HOMER1: variants seen among roughly 807,000 people sequenced by gnomAD.
HOMER1 encodes homer protein homolog 1.
In HOMER1, 3 loss-of-function variants were observed where a neutral mutation model predicts 48.9. That is an observed-to-expected ratio of 0.06 (90% confidence interval 0.03 to 0.16). HOMER1 has a LOEUF of 0.16. Ranked by LOEUF, HOMER1 falls within the 10% of genes least tolerant of loss-of-function variation. HOMER1 has a pLI of 1.00. For missense variants in HOMER1, 247 were observed against 411.4 expected (o/e 0.60, Z 3.46); for synonymous variants, 134 against 146.4 (o/e 0.92, Z 0.61).
chr5:79,437,453 G>A (rs577047949), intron 5 of HOMER1, among the ~76,000 whole-genome samples: 1 of 152,060 alleles, frequency 6.6e-6, no homozygotes, highest in African/African-American at 2.4e-5. Flanking sequence ...ACTATGTAAT[G>A]TAAACATATT....
chr5:79,466,627 A>T (rs1401528456), intron 1 of HOMER1, among the ~76,000 whole-genome samples: 1 of 152,086 alleles, frequency 6.6e-6, no homozygotes, highest in South Asian at 2.1e-4. Flanking sequence ...AAATTCTGAG[A>T]ACTGACAGTA....
chr5:79,479,248 T>C (rs567514003), intron 1 of HOMER1, among the ~76,000 whole-genome samples: 66 of 152,252 alleles, frequency 4.3e-4, no homozygotes, highest in African/African-American at 1.5e-3. Context: ...GTCCTTCAAA[T>C]GAATGTAGAA....
intron 1 of HOMER1, 113 bp from the exon 2 acceptor site, chr5:79,457,131 C>A: frequency 1.0e-6 from 1 of 986,284 alleles, no homozygotes; most frequent in Non-Finnish European, 1.5e-6. Flanking sequence ...TTCCACATAC[C>A]TGAAAGTAAG....
chr5:79,416,834 T>A (rs1417273700), intron 5 of HOMER1, among the ~76,000 whole-genome samples: 2 of 152,252 alleles, frequency 1.3e-5, no homozygotes, highest in East Asian at 3.8e-4. Flanking sequence ...TTTAAGCAGC[T>A]TATCCTCTTT....
At chr5:79,468,101 A>G (rs1310256709) in intron 1 of HOMER1, among the ~76,000 whole-genome samples, 1 of 152,188 alleles carries the variant, frequency 6.6e-6, no homozygotes, top group African/African-American at 2.4e-5. Context: ...CCACATAACA[A>G]TACATGTTAT....
intron 5 of HOMER1, among the ~76,000 whole-genome samples, chr5:79,422,379 T>G (rs1364385849): frequency 6.6e-6 from 1 of 152,164 alleles, no homozygotes; most frequent in Non-Finnish European, 1.5e-5. Context: ...TTGCATCAAA[T>G]AGTGAATCAA....
intron 1 of HOMER1, among the ~76,000 whole-genome samples, chr5:79,490,287 ATTT>A (rs529266756): frequency 6.6e-6 from 1 of 152,012 alleles, no homozygotes; most frequent in Non-Finnish European, 1.5e-5. Context: ...TCTTTTATTT[ATTT>A]TTTTTATTAA....
At chr5:79,482,265 T>C (rs1390137711) in intron 1 of HOMER1, among the ~76,000 whole-genome samples, 1 of 151,966 alleles carries the variant, frequency 6.6e-6, no homozygotes, top group Non-Finnish European at 1.5e-5. Flanking sequence ...CCCAATAAGA[T>C]AAAATCCTAA....
intron 4 of HOMER1, among the ~76,000 whole-genome samples, chr5:79,444,536 T>A (rs537418376): frequency 1.3e-5 from 2 of 152,358 alleles, no homozygotes; most frequent in Admixed American, 6.5e-5. Context: ...AATATAAGCA[T>A]CTTTTATATA....
chr5:79,377,573 C>T (rs540856605), intron 8 of HOMER1, among the ~76,000 whole-genome samples: 5 of 149,614 alleles, frequency 3.3e-5, no homozygotes, highest in East Asian at 2.0e-4. Context: ...AGTTACACAA[C>T]ATGATAGCCT....
At chr5:79,416,611 A>G (rs1749950836) in intron 5 of HOMER1, among the ~76,000 whole-genome samples, 1 of 152,210 alleles carries the variant, frequency 6.6e-6, no homozygotes, top group African/African-American at 2.4e-5. Context: ...AGATGGCTCC[A>G]CACTGTAACA....
intron 5 of HOMER1, among the ~76,000 whole-genome samples, chr5:79,403,220 T>C (rs1749577925): frequency 1.3e-5 from 2 of 152,208 alleles, no homozygotes; most frequent in Non-Finnish European, 2.9e-5. Flanking sequence ...TCTACTAACC[T>C]CATCCCATTA....
chr5:79,423,225 C>T (rs1321784510), intron 5 of HOMER1, among the ~76,000 whole-genome samples: 1 of 152,166 alleles, frequency 6.6e-6, no homozygotes, highest in African/African-American at 2.4e-5. Context: ...CTAGACAGCA[C>T]AAGTTGCATT....
chr5:79,380,724 A>G (rs1748947796), intron 8 of HOMER1, among the ~76,000 whole-genome samples: 1 of 152,044 alleles, frequency 6.6e-6, no homozygotes, highest in Non-Finnish European at 1.5e-5. Context: ...ATCGGGGGGT[A>G]GGGGGAGTGA....
intron 5 of HOMER1, among the ~76,000 whole-genome samples, chr5:79,421,644 C>T (rs1357312987): frequency 3.3e-5 from 5 of 150,760 alleles, no homozygotes; most frequent in Non-Finnish European, 7.4e-5. Context: ...TTGCTCTTGT[C>T]GCCCAGGCTG....
In HOMER1 at chr5:79,379,113, TA is replaced by T. The variant is rs1162775227; in HGVS notation, c.877-2917del. ...ATATATATATATATATATATATATATAAAATATATAAATATTTATTTATATA... is the reference window on the plus strand; with the variant it reads ...ATATATATATATATATATATATATATAAATATATAAATATTTATTTATATA... On this transcript the variant is annotated intron_variant, in intron 8 of 8. Coordinates refer to ENST00000334082, the MANE Select transcript of HOMER1 (RefSeq NM_004272.5). 1.4e-3 allele frequency among the ~76,000 whole-genome samples: 124 copies of T among 87,478 alleles called. 2 individuals are homozygous for T. Among genetic ancestry groups the T allele is most frequent in the African/African-American group, 3.9e-3 (80 of 20,404 alleles). The allele number at this position is 87,478 out of a possible 152,430, so 57.4% of individuals were successfully genotyped here.
intron 5 of HOMER1, among the ~76,000 whole-genome samples, chr5:79,420,189 T>C (rs1391380859): frequency 1.3e-5 from 2 of 152,238 alleles, no homozygotes; most frequent in African/African-American, 2.4e-5. Flanking sequence ...ACAGATGTTA[T>C]TGGCTAGTGA....
chr5:79,407,362 C>T (rs1404820273), intron 5 of HOMER1, among the ~76,000 whole-genome samples: 1 of 150,594 alleles, frequency 6.6e-6, no homozygotes, highest in Non-Finnish European at 1.5e-5. Context: ...AAGCAATCAA[C>T]AGAATCATAC....
intron 4 of HOMER1, among the ~76,000 whole-genome samples, chr5:79,440,212 A>T (rs998541279): frequency 6.6e-6 from 1 of 152,238 alleles, no homozygotes; most frequent in Admixed American, 6.5e-5. Flanking sequence ...TAAAAATCAG[A>T]ATGTAAAACA....
Sources: allele counts gnomAD v4.1 joint callset (sites outside exome capture counted in the v4.1 genomes callset), GRCh38; gene constraint gnomAD v4.1.1; transcripts MANE v1.5; gene names NCBI Gene and HGNC (gene_info 2026-07-23, HGNC 2026-07-21).